MAP2: variants seen among roughly 807,000 people sequenced by gnomAD.
The protein encoded by MAP2 is microtubule-associated protein 2.
A neutral mutation model predicts 137.6 loss-of-function variants in MAP2; 14 were observed. The observed-to-expected ratio is 0.10, with a 90% CI of 0.07 to 0.16. The LOEUF (loss-of-function observed/expected upper bound fraction) is 0.16. Among genes scored for constraint, MAP2 ranks in the 10% least tolerant of loss-of-function variants. The probability of loss-of-function intolerance (pLI) is 1.00; values close to 1 mark genes in which losing one functional copy is unlikely to be tolerated. For synonymous variants in MAP2, 786 were observed against 782.3 expected, an observed-to-expected ratio of 1.00 and a Z score of -0.08; for missense variants, 2,088 against 2,191.5, an observed-to-expected ratio of 0.95 and a Z score of 0.94.
intron 12 of MAP2, among the ~76,000 whole-genome samples, chr2:209,708,724 G>GT (rs1246794180): frequency 6.6e-6 from 1 of 152,082 alleles, no homozygotes; most frequent in Non-Finnish European, 1.5e-5. Context: ...TTAAGCAGCA[G>GT]TAAAAAATGA....
At chr2:209,637,115 C>T (rs575697142) in intron 4 of MAP2, among the ~76,000 whole-genome samples, 2 of 152,216 alleles carry the variant, frequency 1.3e-5, no homozygotes, top group South Asian at 4.1e-4. Flanking sequence ...CTGTATTCTG[C>T]TTTTCTCAGC....
chr2:209,541,979 T>C (rs748867514), intron 2 of MAP2, among the ~76,000 whole-genome samples: 2 of 152,226 alleles, frequency 1.3e-5, no homozygotes, highest in African/African-American at 2.4e-5. Flanking sequence ...GATAGTGAAA[T>C]TTTTCCAGAA....
At chr2:209,659,865 C>T (rs995774039) in intron 5 of MAP2, among the ~76,000 whole-genome samples, 1 of 151,944 alleles carries the variant, frequency 6.6e-6, no homozygotes, top group East Asian at 1.9e-4. Flanking sequence ...TGTGAAACCC[C>T]GTCTCTACTG....
rs535278998 is a variant in MAP2, at chr2:209,531,358, G to A, written c.-172+23717G>A. Among the ~76,000 whole-genome samples, 3 of 152,132 alleles carry A rather than the reference G, an allele frequency of 2.0e-5. No homozygotes were observed. In the East Asian group the frequency reaches 5.8e-4, roughly 29 times the overall value. On this transcript the variant is annotated intron_variant, in intron 2 of 15. Coordinates refer to ENST00000682079, the MANE Select transcript of MAP2 (RefSeq NM_001375505.1). ...AGAAATTTTTCCTCATTATTTAATAGCATAGCCTTCTAAAGCCATTTAATT... is the reference window on the plus strand; with the variant it reads ...AGAAATTTTTCCTCATTATTTAATAACATAGCCTTCTAAAGCCATTTAATT...
chr2:209,631,005 CAAAAAAAAAAA>C (rs776266690), intron 4 of MAP2, among the ~76,000 whole-genome samples: 72 of 42,138 alleles, frequency 1.7e-3, no homozygotes, highest in East Asian at 0.014. Context: ...GAGCTACAAG[CAAAAAAAAAAA>C]AAAAAAAAAA....
intron 2 of MAP2, chr2:209,579,618 C>A (rs1332596139): frequency 6.6e-6 from 1 of 152,254 alleles, no homozygotes; most frequent in African/African-American, 2.4e-5. Flanking sequence ...CACACAGACA[C>A]GAGCTGGTGG....
At chr2:209,519,806 C>A (rs75629530) in intron 2 of MAP2, among the ~76,000 whole-genome samples, 2 of 93,950 alleles carry the variant, frequency 2.1e-5, no homozygotes, top group East Asian at 3.1e-4. Context: ...TATTCTAAAA[C>A]AAATAACAAA....
At chr2:209,490,404 G>A in intron 1 of MAP2, among the ~76,000 whole-genome samples, 1 of 151,696 alleles carries the variant, frequency 6.6e-6, no homozygotes, top group East Asian at 1.9e-4. Flanking sequence ...TCATAATGAT[G>A]GAAATCAAAT....
At chr2:209,546,477 G>A (rs528373778) in intron 2 of MAP2, among the ~76,000 whole-genome samples, 1 of 152,300 alleles carries the variant, frequency 6.6e-6, no homozygotes, top group East Asian at 1.9e-4. Context: ...TCTGGACAGT[G>A]TCTGTGGAGT....
At chr2:209,584,465 A>G (rs371128016) in intron 3 of MAP2, among the ~76,000 whole-genome samples, 97 of 152,270 alleles carry the variant, frequency 6.4e-4, no homozygotes, top group African/African-American at 2.3e-3. Context: ...TCTTTTTTGA[A>G]TTATAAAATT....
intron 3 of MAP2, among the ~76,000 whole-genome samples, chr2:209,583,043 G>A (rs971031061): frequency 9.9e-5 from 15 of 151,920 alleles, no homozygotes; most frequent in Non-Finnish European, 1.3e-4. Context: ...TTGTCTTGAT[G>A]TTCCATGCAA....
rs80158256 is a variant in MAP2 at position 209,450,717 on chromosome 2, C to A, written c.-222+26441C>A. 1.8e-3 allele frequency among the ~76,000 whole-genome samples: 272 copies of A among 152,236 alleles called. 2 individuals carry two copies. Among genetic ancestry groups the A allele is most frequent in the African/African-American group, 6.4e-3 (266 of 41,552 alleles). On this transcript the variant is annotated intron_variant, in intron 1 of 15. Coordinates refer to ENST00000682079, the MANE Select transcript of MAP2 (RefSeq NM_001375505.1). The stretch of plus-strand genomic sequence containing the variant: ...TGTAAAAAGTTAATGCTCACAAATA[C>A]TATGTGATTAAGGACTGTAGCTCAT...
chr2:209,616,652 A>G (rs967579959), intron 3 of MAP2, among the ~76,000 whole-genome samples: 1 of 152,138 alleles, frequency 6.6e-6, no homozygotes, highest in African/African-American at 2.4e-5. Context: ...TTACTGAACA[A>G]GTATTTGCTA....
chr2:209,508,963 C>T (rs1209333411), intron 2 of MAP2, among the ~76,000 whole-genome samples: 1 of 151,850 alleles, frequency 6.6e-6, no homozygotes, highest in Non-Finnish European at 1.5e-5. Flanking sequence ...TCCCATCCAC[C>T]TACAAAACCA....
chr2:209,612,888 A>G (rs1465298556), intron 3 of MAP2, among the ~76,000 whole-genome samples: 1 of 152,208 alleles, frequency 6.6e-6, no homozygotes, highest in Non-Finnish European at 1.5e-5. Flanking sequence ...CTTTTGGTTT[A>G]GCAGTGGCAT....
At chr2:209,551,880 G>C (rs1265230860) in intron 2 of MAP2, among the ~76,000 whole-genome samples, 1 of 152,130 alleles carries the variant, frequency 6.6e-6, no homozygotes, top group Non-Finnish European at 1.5e-5. Context: ...CTAAAGTCCA[G>C]GTTATTTACC....
intron 1 of MAP2, among the ~76,000 whole-genome samples, chr2:209,474,447 C>T (rs567724123): frequency 6.6e-6 from 1 of 152,064 alleles, no homozygotes; most frequent in East Asian, 1.9e-4. Context: ...TCCACCAGCC[C>T]AGGAACAATG....
chr2:209,593,619 C>CAAAAAAAAAAAAA lies in MAP2; in HGVS notation c.-107+13523_-107+13535dup, dbSNP rs781329429. ...GCAACACACCAAGACCCTGTCTCTA[C>CAAAAAAAAAAAAA]AAAAAAAAAAAAAAAATATATATAT... On this transcript the variant is annotated intron_variant, in intron 3 of 15. Coordinates refer to ENST00000682079, the MANE Select transcript of MAP2 (RefSeq NM_001375505.1). Among the ~76,000 whole-genome samples the CAAAAAAAAAAAAA allele has an allele frequency of 1.4e-3, 4 of 2,932 alleles. 1 individual carries two copies. The highest frequency in any genetic ancestry group is 3.8e-3 in the Non-Finnish European group (4 of 1,056). 1.9% of individuals were successfully genotyped at this position (2,932 alleles called of 152,430 possible).
chr2:209,553,179 T>A (rs1299036151), intron 2 of MAP2, among the ~76,000 whole-genome samples: 1 of 151,874 alleles, frequency 6.6e-6, no homozygotes, highest in Non-Finnish European at 1.5e-5. Context: ...GCCCGGCTAA[T>A]TTTTTGTATA....
Sources: gnomAD v4.1 joint callset for allele counts (sites outside exome capture counted in the v4.1 genomes callset) on GRCh38, gnomAD v4.1.1 for gene constraint, MANE v1.5 for transcripts, NCBI Gene and HGNC (gene_info 2026-07-23, HGNC 2026-07-21) for gene names.